The following WDR72 variants were observed in gnomAD, a reference collection of about 807,000 sequenced individuals.
WDR72 encodes the protein WD repeat domain 72, also known as WD repeat-containing protein 72.
WDR72 carries 120 observed loss-of-function variants against 124.2 expected under a neutral mutation model. The observed-to-expected ratio is 0.97, with a 90% CI of 0.83 to 1.12. WDR72 has a LOEUF of 1.12. Ranked by LOEUF, WDR72 falls within the 50% of genes most tolerant of loss-of-function variation. The pLI is 0.00. For synonymous variants in WDR72, 452 were observed against 441.7 expected, an observed-to-expected ratio of 1.02 and a Z score of -0.29; for missense variants, 1,387 against 1,278.8, an observed-to-expected ratio of 1.08 and a Z score of -1.29.
At chr15:53,633,153 T>C (rs944313203) in intron 14 of WDR72, among the ~76,000 whole-genome samples, 3 of 152,142 alleles carry the variant, frequency 2.0e-5, no homozygotes, top group Non-Finnish European at 2.9e-5. Flanking sequence ...ATGCTGGAGG[T>C]TGGGCCTAGT....
At chr15:53,726,571 G>A (rs916427190) in intron 2 of WDR72, among the ~76,000 whole-genome samples, 1 of 152,034 alleles carries the variant, frequency 6.6e-6, no homozygotes, top group African/African-American at 2.4e-5. Context: ...GCCAAGCATG[G>A]TGGTTCATGT....
chr15:53,754,109 T>G (rs2018839755), intron 1 of WDR72, among the ~76,000 whole-genome samples: 1 of 152,092 alleles, frequency 6.6e-6, no homozygotes, highest in Non-Finnish European at 1.5e-5. Flanking sequence ...TAAATTCAAC[T>G]ACAGGGGTGG....
At chr15:53,567,640 TA>T (rs1894348881) in intron 18 of WDR72, among the ~76,000 whole-genome samples, 4 of 151,902 alleles carry the variant, frequency 2.6e-5, no homozygotes, top group Admixed American at 2.6e-4. Context: ...CACTTCTGAA[TA>T]CACCAAAACT....
At chr15:53,637,899 C>A (rs2014683664) in intron 14 of WDR72, among the ~76,000 whole-genome samples, 1 of 152,102 alleles carries the variant, frequency 6.6e-6, no homozygotes. Context: ...CTGGTGTGAA[C>A]TATTTGAGGG....
intron 18 of WDR72, among the ~76,000 whole-genome samples, chr15:53,535,149 T>C (rs574221157): frequency 1.4e-4 from 22 of 152,226 alleles, no homozygotes; most frequent in Non-Finnish European, 2.4e-4. Flanking sequence ...TACTGAATTA[T>C]GGAAACATGA....
intron 2 of WDR72, among the ~76,000 whole-genome samples, chr15:53,724,585 A>C (rs540061480): frequency 6.6e-6 from 1 of 152,272 alleles, no homozygotes; most frequent in East Asian, 1.9e-4. Context: ...CTTTTAAACC[A>C]TAGGATCTCG....
At chr15:53,648,839 C>A (rs1026935033) in intron 14 of WDR72, among the ~76,000 whole-genome samples, 2 of 146,974 alleles carry the variant, frequency 1.4e-5, no homozygotes, top group African/African-American at 2.7e-5. Context: ...TCTCACATGT[C>A]TAGCAACTGA....
chr15:53,733,015 A>G lies in WDR72; in HGVS notation c.135T>C (p.Asn45=). The change falls in exon 2 of 20, where the codon AAT becomes AAC. Residue 45 remains asparagine, a synonymous_variant. Coordinates refer to ENST00000360509, the MANE Select transcript of WDR72 (RefSeq NM_182758.4). The stretch of plus-strand genomic sequence containing the variant: ...CACTAACCTTTAGTTCATGTGAGAG[A>G]TTCCAGAGACAGAGCTGACCCTCTT... ...GSQEGQLCLW[N]LSHELKISAK... 6.2e-7 allele frequency: 1 copy of G among 1,614,040 alleles called. No individual in the cohort carries two copies.
chr15:53,705,858 A>G, intron 10 of WDR72, 69 bp downstream of exon 10: 1 of 1,592,356 alleles, frequency 6.3e-7, no homozygotes, highest in Non-Finnish European at 8.6e-7. Context: ...TGCTCAACTT[A>G]GAAGAACAAT....
chr15:53,742,646 G>T (rs906962007), intron 1 of WDR72, among the ~76,000 whole-genome samples: 5 of 151,642 alleles, frequency 3.3e-5, no homozygotes, highest in Non-Finnish European at 7.4e-5. Context: ...TGGCCTTTTG[G>T]CTAAGAAAAA....
chr15:53,704,891 G>T (rs1469984589), intron 11 of WDR72, 97 bp downstream of exon 11: 13 of 1,408,038 alleles, frequency 9.2e-6, no homozygotes, highest in East Asian at 2.3e-5. Flanking sequence ...GCAAATGCCA[G>T]CAAATTATTT....
intron 18 of WDR72, among the ~76,000 whole-genome samples, chr15:53,565,149 A>T (rs1327355675): frequency 6.6e-6 from 1 of 151,870 alleles, no homozygotes; most frequent in Non-Finnish European, 1.5e-5. Context: ...AATAAGTGTA[A>T]GATTGGGGAA....
At chr15:53,759,038 T>C (rs1005890694) in intron 1 of WDR72, among the ~76,000 whole-genome samples, 4 of 152,002 alleles carry the variant, frequency 2.6e-5, no homozygotes, top group African/African-American at 9.7e-5. Flanking sequence ...GCAGTCTTTA[T>C]TGCCGACTCA....
intron 18 of WDR72, among the ~76,000 whole-genome samples, chr15:53,574,720 T>A (rs1894687872): frequency 6.6e-6 from 1 of 152,188 alleles, no homozygotes; most frequent in Admixed American, 6.5e-5. Context: ...TTCAGTTTTA[T>A]GTAACAAATG....
intron 14 of WDR72, among the ~76,000 whole-genome samples, chr15:53,655,086 C>A (rs1481334551): frequency 6.6e-6 from 1 of 151,814 alleles, no homozygotes; most frequent in Non-Finnish European, 1.5e-5. Flanking sequence ...CAAAAATTAG[C>A]TGAGCGTGGT....
rs886051299 is a variant in WDR72, at chr15:53,699,856, G to A, written c.1659C>T (p.Ala553=). 1.9e-6 allele frequency: 3 copies of A among 1,614,030 alleles called. No individual in the cohort carries two copies. Among genetic ancestry groups the A allele is most frequent in the East Asian group, 2.2e-5 (1 of 44,850 alleles). ...HLEGKSCLLH[A]RKHLFPVRMI... ...TCCTCACAGGAAAAAGGTGCTTCCG[G>A]GCATGCAGGAGGCAACTCTTTCCCT... The change falls in exon 13 of 20, where the codon GCC becomes GCT. Residue 553 remains alanine, a synonymous_variant. Transcript: ENST00000360509.
At chr15:53,601,070 G>A (rs1427021916) in intron 17 of WDR72, among the ~76,000 whole-genome samples, 1 of 151,852 alleles carries the variant, frequency 6.6e-6, no homozygotes, top group Non-Finnish European at 1.5e-5. Context: ...ATTTAACTAG[G>A]GTTAAAATGA....
intron 18 of WDR72, among the ~76,000 whole-genome samples, chr15:53,567,063 T>G (rs532791189): frequency 1.3e-5 from 2 of 151,972 alleles, no homozygotes; most frequent in African/African-American, 2.4e-5. Flanking sequence ...CCTGTGTACC[T>G]GACATAACTC....
At chr15:53,754,614 A>G (rs2018854019) in intron 1 of WDR72, among the ~76,000 whole-genome samples, 1 of 152,116 alleles carries the variant, frequency 6.6e-6, no homozygotes, top group Non-Finnish European at 1.5e-5. Flanking sequence ...GGTGTATAAG[A>G]GCCTGAGAGG....
Sources: allele counts gnomAD v4.1 joint callset (sites outside exome capture counted in the v4.1 genomes callset), GRCh38; gene constraint gnomAD v4.1.1; transcripts MANE v1.5; gene names NCBI Gene and HGNC (gene_info 2026-07-23, HGNC 2026-07-21).